The following OR7A17 variants were observed in gnomAD, a reference collection of about 807,000 sequenced individuals.
The protein encoded by OR7A17 is olfactory receptor 7A17.
For missense variants in OR7A17, 366 were observed against 365.5 expected (o/e 1.00, Z -0.01); for synonymous variants, 159 against 142.1 (o/e 1.12, Z -0.85).
chr19:14,884,880 AAAT>A (rs2045129126), intron 1 of OR7A17: 1 of 152,210 alleles, frequency 6.6e-6, no homozygotes, highest in Non-Finnish European at 1.5e-5. Context: ...ATCCTCAGTA[AAAT>A]ACTGGCAAAC....
rs759505037 is a variant in OR7A17, at chr19:14,881,295, G to T, written c.61C>A (p.Pro21Thr). ...CCAAAGAGGAAGGGCTGCAATTCTG[G>T]TTCCTCAGAAAGTCCCAGAAGAACA... ...EFVLLGLSEE[P>T]ELQPFLFGLF... is the part of the protein sequence containing the mutation. Residue 21 changes from proline (P) to threonine (T), a missense_variant, in exon 3 of 3, where the codon CCA (proline) becomes ACA (threonine). Transcript: ENST00000641113. 5 of 1,607,760 alleles carry T rather than the reference G, an allele frequency of 3.1e-6. No individual in the cohort carries two copies. Among genetic ancestry groups the T allele is most frequent in the Non-Finnish European group, 4.3e-6 (5 of 1,176,386 alleles).
rs374554994 is a variant in OR7A17 at position 14,881,073 on chromosome 19, C to T, written c.283G>A (p.Ala95Thr). The change falls in exon 3 of 3, where the codon GCA becomes ACA. Residue 95 changes from alanine to threonine, a missense_variant. Physicochemically the swap from Ala to Thr is moderately conservative, Grantham distance 58. Coordinates refer to ENST00000641113, the MANE Select transcript of OR7A17 (RefSeq NM_030901.2). ...IQTQSRVITY[A>T]GCITQMCFFV... The stretch of plus-strand genomic sequence containing the variant: ...AAGCACATCTGGGTGATGCAGCCTG[C>T]ATAGGTGATGACTCTGCTCTGTGTC... 21 of 1,614,058 alleles carry T rather than the reference C, an allele frequency of 1.3e-5. No individual in the cohort carries two copies. Among genetic ancestry groups the T allele is most frequent in the Non-Finnish European group, 1.8e-5 (21 of 1,180,050 alleles).
intron 1 of OR7A17, among the ~76,000 whole-genome samples, chr19:14,883,934 A>G (rs2045124706): frequency 6.6e-6 from 1 of 152,242 alleles, no homozygotes; most frequent in Admixed American, 6.5e-5. Flanking sequence ...CGACTTATTG[A>G]ATAAGTCAGG....
At position 14,881,364 on chromosome 19, in the gene OR7A17, T is replaced by C; in HGVS notation, c.-9A>G. On this transcript the variant is annotated 5_prime_UTR_variant, in exon 3 of 3. Coordinates refer to ENST00000641113, the MANE Select transcript of OR7A17 (RefSeq NM_030901.2). ...TCATTCTCTGGTTCCATCTTTTTTT[T>C]TCTATTTATTTATTTATTTATTTAT... 8.7e-7 allele frequency: 1 copy of C among 1,151,292 alleles called. No individual in the cohort carries two copies. The highest frequency in any genetic ancestry group is 3.0e-5 in the South Asian group (1 of 33,896). The allele number at this position is 1,151,292 out of a possible 1,614,324, so 71.3% of individuals were successfully genotyped here.
chr19:14,880,378 G>A lies in OR7A17; in HGVS notation c.*48C>T. The A allele has an allele frequency of 2.8e-6, 4 of 1,445,352 alleles. No homozygotes were observed. The highest frequency in any genetic ancestry group is 3.7e-6 in the Non-Finnish European group (4 of 1,068,924). 89.5% of individuals were successfully genotyped at this position (1,445,352 alleles called of 1,614,324 possible). Reference sequence around the variant, plus strand: ...TTCGTGAATCACAATTTCTGAGTATGAGACTTAAAGCTCTGAAATCACAGT... The same window carrying A: ...TTCGTGAATCACAATTTCTGAGTATAAGACTTAAAGCTCTGAAATCACAGT... On this transcript the variant is annotated 3_prime_UTR_variant, in exon 3 of 3. Transcript: ENST00000641113.
rs1044386744 is a variant in OR7A17 at position 14,878,505 on chromosome 19, T to A, written c.*1921A>T. On this transcript the variant is annotated 3_prime_UTR_variant, in exon 3 of 3. Coordinates refer to ENST00000641113, the MANE Select transcript of OR7A17 (RefSeq NM_030901.2). ...AGCAGGACAACAGAAGGAGTCTTATTTGTGTGTAGCACTGTAAATTTTTAA... is the reference window on the plus strand; with the variant it reads ...AGCAGGACAACAGAAGGAGTCTTATATGTGTGTAGCACTGTAAATTTTTAA... 1 of 152,232 alleles carries A rather than the reference T, an allele frequency of 6.6e-6. No individual in the cohort carries two copies. The highest frequency in any genetic ancestry group is 2.4e-5 in the African/African-American group (1 of 41,462). 9.4% of individuals were successfully genotyped at this position (152,232 alleles called of 1,614,324 possible).
rs565615133 is a variant in OR7A17 at position 14,885,275 on chromosome 19, A to C, written c.-295+666T>G. Among the ~76,000 whole-genome samples the C allele has an allele frequency of 5.4e-4, 82 of 152,360 alleles. 2 individuals are homozygous for C. Among genetic ancestry groups the C allele is most frequent in the African/African-American group, 1.8e-3 (76 of 41,574 alleles). ...CAACATAGTGTTGGAAGTTCTGGCCAGGGCAATCAGGCAAGAGAAGGAAGT... is the reference window on the plus strand; with the variant it reads ...CAACATAGTGTTGGAAGTTCTGGCCCGGGCAATCAGGCAAGAGAAGGAAGT... On this transcript the variant is annotated intron_variant, in intron 1 of 2. Coordinates refer to ENST00000641113, the MANE Select transcript of OR7A17 (RefSeq NM_030901.2).
At chr19:14,885,153 T>A (rs7252806) in intron 1 of OR7A17, among the ~76,000 whole-genome samples, 77,868 of 152,022 alleles carry the variant, frequency 0.51, 21,195 homozygotes, top group East Asian at 0.83. Flanking sequence ...ATTTATGACA[T>A]ACCCACAGCC....
intron 1 of OR7A17, among the ~76,000 whole-genome samples, chr19:14,883,707 A>G (rs887107471): frequency 2.6e-5 from 4 of 152,234 alleles, no homozygotes; most frequent in African/African-American, 9.6e-5. Context: ...TGATAAAATA[A>G]AAAGAATGTT....
Position 14,880,700 on chromosome 19 carries a change from G to C in OR7A17, c.656C>G (p.Ser219Cys), listed in dbSNP as rs1568266802. 1 of 1,614,224 alleles carries C rather than the reference G, an allele frequency of 6.2e-7. No homozygotes were observed. The highest frequency in any genetic ancestry group is 2.2e-5 in the East Asian group (1 of 44,886). Residue 219 changes from serine (S) to cysteine (C), a missense_variant, in exon 3 of 3, where the codon TCT becomes TGT. Transcript: ENST00000641113. ...GPLVGILCSY[S>C]KIVSSIRAIS... is the part of the protein sequence containing the mutation. ...TGCACGTATGGAGGAAACTATCTTAGAGTAAGAGCAAAGGATCCCCACAAG... is the reference window on the plus strand; with the variant it reads ...TGCACGTATGGAGGAAACTATCTTACAGTAAGAGCAAAGGATCCCCACAAG...
intron 1 of OR7A17, among the ~76,000 whole-genome samples, chr19:14,882,140 T>A (rs1475439910): frequency 2.0e-5 from 3 of 152,112 alleles, no homozygotes; most frequent in African/African-American, 7.2e-5. Flanking sequence ...TTCTACAGTA[T>A]CATTAAAGAG....
Position 14,881,059 on chromosome 19 carries a change from G to T in OR7A17, c.297C>A (p.Thr99=). 1 of 1,614,150 alleles carries T rather than the reference G, an allele frequency of 6.2e-7. No homozygotes were observed. The change falls in exon 3 of 3, where the codon ACC becomes ACA. Residue 99 remains threonine (T), a synonymous_variant. Transcript: ENST00000641113. ...CAAAAAGTACAAAAAAGCACATCTG[G>T]GTGATGCAGCCTGCATAGGTGATGA... ...SRVITYAGCI[T]QMCFFVLFGG...
At chr19:14,884,543 G>A (rs2045127622) in intron 1 of OR7A17, 1 of 152,138 alleles carries the variant, frequency 6.6e-6, no homozygotes, top group Non-Finnish European at 1.5e-5. Context: ...TAAATTCCTG[G>A]ACACATACAC....
chr19:14,878,992 C>A lies in OR7A17; in HGVS notation c.*1434G>T, dbSNP rs1271017613. 2 of 151,776 alleles carry A rather than the reference C, an allele frequency of 1.3e-5. No individual in the cohort carries two copies. Among genetic ancestry groups the A allele is most frequent in the African/African-American group, 4.8e-5 (2 of 41,278 alleles). 9.4% of individuals were successfully genotyped at this position (151,776 alleles called of 1,614,324 possible). On this transcript the variant is annotated 3_prime_UTR_variant, in exon 3 of 3. Transcript: ENST00000641113. ...TGCCGGGCCAAAAATTTTACTCCAT[C>A]TTTTTTTCTTTTATATTTTTGTGGG...
Position 14,880,751 on chromosome 19 carries a change from G to A in OR7A17, c.605C>T (p.Ala202Val). The A allele has an allele frequency of 8.1e-6, 13 of 1,614,212 alleles. No individual in the cohort carries two copies. Among genetic ancestry groups the A allele is most frequent in the Non-Finnish European group, 1.1e-5 (13 of 1,180,044 alleles). ...TFLNDMGMYF[A>V]AGLLAGGPLV... ...GGGACCACCAGCCAGCAGCCCTGCT[G>A]CAAAATACATCCCCATGTCATTAAG... The change falls in exon 3 of 3, where the codon GCA (alanine) becomes GTA (valine). Residue 202 changes from alanine (A) to valine (V), a missense_variant. By Grantham distance (64) the Ala-to-Val change is moderately conservative. Coordinates refer to ENST00000641113, the MANE Select transcript of OR7A17 (RefSeq NM_030901.2).
chr19:14,885,511 C>A (rs967635633), intron 1 of OR7A17, among the ~76,000 whole-genome samples: 3 of 152,184 alleles, frequency 2.0e-5, no homozygotes, highest in Non-Finnish European at 4.4e-5. Context: ...CATGAGTGAA[C>A]TCCCATTCAC....
At position 14,880,209 on chromosome 19, in the gene OR7A17, C is replaced by CAAA. The variant is rs3030635; in HGVS notation, c.*214_*216dup. ...AAACATTGGGAAAGTAGGAAAATGACAAAAAAAAAAAAAAAAAAAAGATTG... is the reference window on the plus strand; with the variant it reads ...AAACATTGGGAAAGTAGGAAAATGACAAAAAAAAAAAAAAAAAAAAAAAGATTG... On this transcript the variant is annotated 3_prime_UTR_variant, in exon 3 of 3. Coordinates refer to ENST00000641113, the MANE Select transcript of OR7A17 (RefSeq NM_030901.2). The CAAA allele has an allele frequency of 8.4e-3, 1,441 of 171,788 alleles. 20 individuals are homozygous for CAAA. The highest frequency in any genetic ancestry group is 0.033 in the South Asian group (179 of 5,442). 10.6% of individuals were successfully genotyped at this position (171,788 alleles called of 1,614,324 possible).
rs984795212 is a variant in OR7A17, at chr19:14,881,208, T to C, written c.148A>G (p.Ile50Val). The stretch of plus-strand genomic sequence containing the variant: ...GGGGTGTGGAGGTGGGAGTCTGAGA[T>C]TGTGGCCAGGATGATGAGCAGATTC... ...LGNLLIILAT[I>V]SDSHLHTPMY... Residue 50 changes from isoleucine to valine, a missense_variant, in exon 3 of 3, where the codon ATC (isoleucine) becomes GTC (valine). By Grantham distance (29) the Ile-to-Val change is conservative. Coordinates refer to ENST00000641113, the MANE Select transcript of OR7A17 (RefSeq NM_030901.2). The C allele has an allele frequency of 1.9e-6, 3 of 1,613,842 alleles. No homozygotes were observed. Among genetic ancestry groups the C allele is most frequent in the Admixed American group, 1.7e-5 (1 of 59,974 alleles).
chr19:14,881,366 CTATTTATTTATT>C lies in OR7A17; in HGVS notation c.-23_-12del, dbSNP rs60445901. On this transcript the variant is annotated 5_prime_UTR_variant, in exon 3 of 3. Coordinates refer to ENST00000641113, the MANE Select transcript of OR7A17 (RefSeq NM_030901.2). ...ATTCTCTGGTTCCATCTTTTTTTTT[CTATTTATTTATT>C]TATTTATTTATTTATTTATTTATTT... is the stretch of plus-strand genomic sequence containing the variant. The C allele has an allele frequency of 0.31, 314,653 of 1,017,698 alleles. 54,337 individuals carry two copies. Among genetic ancestry groups the C allele is most frequent in the East Asian group, 0.61 (18,729 of 30,774 alleles). The allele number at this position is 1,017,698 out of a possible 1,614,324, so 63.0% of individuals were successfully genotyped here.
Sources: allele counts gnomAD v4.1 joint callset (sites outside exome capture counted in the v4.1 genomes callset), GRCh38; gene constraint gnomAD v4.1.1; transcripts MANE v1.5; gene names NCBI Gene and HGNC (gene_info 2026-07-23, HGNC 2026-07-21).